PCDH7: variants seen among roughly 807,000 people sequenced by gnomAD.
PCDH7 encodes the protein protocadherin-7.
PCDH7 carries 17 observed loss-of-function variants against 58.9 expected under a neutral mutation model. The ratio of observed to expected loss-of-function variants is 0.29; its 90% CI spans 0.20 to 0.43. The LOEUF (loss-of-function observed/expected upper bound fraction) is 0.43. PCDH7 is among the 20% of genes least tolerant of loss of function. The pLI is 1.00. For synonymous variants in PCDH7, 664 were observed against 616.4 expected (o/e 1.08, Z -1.14); for missense variants, 1,274 against 1,441.0 (o/e 0.88, Z 1.88).
At chr4:30,920,534 T>A (rs1049813615) in intron 2 of PCDH7, among the ~76,000 whole-genome samples, 165 bp downstream of exon 2, 31 of 152,286 alleles carry the variant, frequency 2.0e-4, no homozygotes, top group African/African-American at 7.5e-4. Flanking sequence ...TAAAGGAACA[T>A]AACTCTGTAG....
intron 3 of PCDH7, among the ~76,000 whole-genome samples, chr4:31,038,928 C>T (rs1481695634): frequency 6.6e-6 from 1 of 152,072 alleles, no homozygotes; most frequent in Non-Finnish European, 1.5e-5. Flanking sequence ...TCGAAGACTC[C>T]TTGTGTGTAT....
chr4:30,755,638 C>T (rs1463981677), intron 1 of PCDH7, among the ~76,000 whole-genome samples: 1 of 152,102 alleles, frequency 6.6e-6, no homozygotes, highest in African/African-American at 2.4e-5. Flanking sequence ...CCCCCACTGT[C>T]TTAGTCTGTT....
intron 1 of PCDH7, among the ~76,000 whole-genome samples, chr4:30,892,819 G>C (rs547061443): frequency 6.6e-6 from 1 of 152,170 alleles, no homozygotes; most frequent in East Asian, 1.9e-4. Context: ...TCCCAAAATA[G>C]GGGAAAAATA....
chr4:30,950,901 C>T (rs56190579), intron 3 of PCDH7, among the ~76,000 whole-genome samples: 34,885 of 152,124 alleles, frequency 0.23, 4,094 homozygotes, highest in Middle Eastern at 0.26. Flanking sequence ...CCTCAGGGCT[C>T]AAACTCCAGC....
At chr4:31,101,739 C>A (rs1714919042) in intron 3 of PCDH7, among the ~76,000 whole-genome samples, 1 of 151,992 alleles carries the variant, frequency 6.6e-6, no homozygotes, top group African/African-American at 2.4e-5. Context: ...GTTTCAAAAC[C>A]AAGCATATTA....
At chr4:30,798,092 T>G (rs550908914) in intron 1 of PCDH7, among the ~76,000 whole-genome samples, 1 of 152,266 alleles carries the variant, frequency 6.6e-6, no homozygotes, top group South Asian at 2.1e-4. Flanking sequence ...GAGTCCAGGC[T>G]CTAGTGGAGG....
intron 2 of PCDH7, among the ~76,000 whole-genome samples, chr4:30,942,760 T>C (rs1036373684): frequency 2.0e-5 from 3 of 152,070 alleles, no homozygotes; most frequent in Admixed American, 2.0e-4. Flanking sequence ...TATGTATTTA[T>C]TTACATATTC....
At chr4:30,879,290 A>G (rs1360790621) in intron 1 of PCDH7, among the ~76,000 whole-genome samples, 2 of 151,736 alleles carry the variant, frequency 1.3e-5, no homozygotes, top group East Asian at 3.9e-4. Flanking sequence ...CCTCCAATAA[A>G]CAAGTTGAAA....
chr4:30,969,762 CA>C (rs1367686925), intron 3 of PCDH7, among the ~76,000 whole-genome samples: 1 of 152,040 alleles, frequency 6.6e-6, no homozygotes, highest in Non-Finnish European at 1.5e-5. Flanking sequence ...GAACAAAATT[CA>C]AAGTTTTTAT....
At chr4:30,924,133 C>T (rs1560505217) in intron 2 of PCDH7, among the ~76,000 whole-genome samples, 2 of 152,274 alleles carry the variant, frequency 1.3e-5, no homozygotes, top group East Asian at 1.9e-4. Context: ...ATCCTGGTCC[C>T]TACCTTCATG....
At chr4:30,855,901 C>A (rs186394512) in intron 1 of PCDH7, among the ~76,000 whole-genome samples, 11 of 152,214 alleles carry the variant, frequency 7.2e-5, no homozygotes, top group Non-Finnish European at 1.2e-4. Context: ...ATGGCCATTG[C>A]CATCAGTAAA....
chr4:31,080,751 T>C (rs1177287769), intron 3 of PCDH7, among the ~76,000 whole-genome samples: 1 of 152,198 alleles, frequency 6.6e-6, no homozygotes, highest in Non-Finnish European at 1.5e-5. Context: ...AATATTATAA[T>C]GTGATATGGT....
chr4:31,118,716 CA>C (rs1044972161), intron 3 of PCDH7, among the ~76,000 whole-genome samples: 1 of 151,992 alleles, frequency 6.6e-6, no homozygotes, highest in Non-Finnish European at 1.5e-5. Context: ...ACCTTCTAAC[CA>C]ATAGTGATAC....
chr4:30,735,209 A>T (rs1025859216), downstream of PCDH7, among the ~76,000 whole-genome samples: 2 of 152,162 alleles, frequency 1.3e-5, no homozygotes, highest in Non-Finnish European at 2.9e-5. Context: ...ATGTAGATAC[A>T]TGTGCACACA....
At chr4:30,875,717 C>A (rs1434887065) in intron 1 of PCDH7, among the ~76,000 whole-genome samples, 1 of 152,010 alleles carries the variant, frequency 6.6e-6, no homozygotes, top group Non-Finnish European at 1.5e-5. Context: ...TCATCTGATT[C>A]CGTATTTGCT....
rs866954320 is a variant in PCDH7 at position 30,894,488 on chromosome 4, A to T, written c.71-25665A>T. ...GAAAAAAAAAAAAAAAAAAAAAAAA[A>T]AAATATATATATATATATATATATA... On this transcript the variant is annotated intron_variant, in intron 1 of 3. Coordinates refer to the PCDH7 transcript ENST00000509759. Among the ~76,000 whole-genome samples, 407 of 41,614 alleles carry T rather than the reference A, an allele frequency of 9.8e-3. 11 individuals are homozygous for T. Among genetic ancestry groups the T allele is most frequent in the African/African-American group, 0.03 (369 of 12,272 alleles). The allele number at this position is 41,614 out of a possible 152,430, so 27.3% of individuals were successfully genotyped here. A position where few individuals can be genotyped will look rare whatever the true frequency, so the allele number is the denominator to read the frequency against.
downstream of PCDH7, among the ~76,000 whole-genome samples, chr4:30,734,833 T>G (rs1716021731): frequency 6.6e-6 from 1 of 152,124 alleles, no homozygotes; most frequent in Admixed American, 6.5e-5. Flanking sequence ...ATTGTTGGAA[T>G]ATGGGGTGGC....
chr4:30,820,395 G>C (rs1297455211), intron 1 of PCDH7, among the ~76,000 whole-genome samples: 1 of 151,944 alleles, frequency 6.6e-6, no homozygotes, highest in Non-Finnish European at 1.5e-5. Context: ...TAAACTGAAC[G>C]GTTCTTCATA....
At chr4:31,117,060 G>C (rs1356775252) in intron 3 of PCDH7, among the ~76,000 whole-genome samples, 2 of 152,068 alleles carry the variant, frequency 1.3e-5, no homozygotes, top group East Asian at 3.9e-4. Flanking sequence ...AGCTAATTTT[G>C]TATTTTTAGT....
Sources: allele counts gnomAD v4.1 joint callset (sites outside exome capture counted in the v4.1 genomes callset), GRCh38; gene constraint gnomAD v4.1.1; transcripts MANE v1.5; gene names NCBI Gene and HGNC (gene_info 2026-07-23, HGNC 2026-07-21).